AMD1: variants seen among roughly 807,000 people sequenced by gnomAD.
The protein encoded by AMD1 is S-adenosylmethionine decarboxylase proenzyme.
Under a neutral mutation model 40.2 loss-of-function variants are expected in AMD1, and 11 were observed. The ratio of observed to expected loss-of-function variants is 0.27; its 90% CI spans 0.17 to 0.45. The LOEUF (loss-of-function observed/expected upper bound fraction) is 0.45. Ranked by LOEUF, AMD1 falls within the 20% of genes least tolerant of loss-of-function variation. The probability of loss-of-function intolerance (pLI) is 1.00; values close to 1 mark genes in which losing one functional copy is unlikely to be tolerated. For missense variants in AMD1, 257 were observed against 410.2 expected (o/e 0.63, Z 3.23); for synonymous variants, 121 against 130.8 (o/e 0.93, Z 0.51).
chr6:110,873,537 A>T (rs985403099), upstream of AMD1, among the ~76,000 whole-genome samples: 1 of 152,362 alleles, frequency 6.6e-6, no homozygotes, highest in East Asian at 1.9e-4. Context: ...TCATGTTGAC[A>T]TCATCTTATT....
chr6:110,866,529 T>C, the AMD1 span, among the ~76,000 whole-genome samples: 2 of 152,090 alleles, frequency 1.3e-5, no homozygotes, highest in Non-Finnish European at 2.9e-5. Context: ...GTTGTGGAAG[T>C]AGGGAAAATA....
the AMD1 span, among the ~76,000 whole-genome samples, chr6:110,835,745 A>G: frequency 6.6e-6 from 1 of 151,946 alleles, no homozygotes; most frequent in African/African-American, 2.4e-5. Flanking sequence ...GGCACCTGTA[A>G]TCCCAGCTAC....
chr6:110,832,052 G>A, the AMD1 span, among the ~76,000 whole-genome samples: 64 of 136,676 alleles, frequency 4.7e-4, 1 homozygote, highest in South Asian at 9.0e-3. Flanking sequence ...TCTCTCTGTC[G>A]CCCAGGCTGG....
At chr6:110,814,976 G>C in the AMD1 span, 559 of 1,597,700 alleles carry the variant, frequency 3.5e-4, 3 homozygotes, top group Admixed American at 1.9e-4. Context: ...GCGAGGACCC[G>C]AGCGAGCCTA....
chr6:110,844,214 C>A, the AMD1 span, among the ~76,000 whole-genome samples: 1 of 148,822 alleles, frequency 6.7e-6, no homozygotes, highest in East Asian at 2.1e-4. Flanking sequence ...ATAGCAAGAT[C>A]CTGTCCCTAC....
chr6:110,849,847 C>G, the AMD1 span, among the ~76,000 whole-genome samples: 1 of 152,010 alleles, frequency 6.6e-6, no homozygotes, highest in Non-Finnish European at 1.5e-5. Context: ...TGGCAAGACC[C>G]TATCTCTACA....
chr6:110,828,777 T>C, the AMD1 span, among the ~76,000 whole-genome samples: 1 of 152,204 alleles, frequency 6.6e-6, no homozygotes. Flanking sequence ...TACCAAGCTG[T>C]TTGCTCATGG....
At chr6:110,858,342 G>A in the AMD1 span, 4 of 814,094 alleles carry the variant, frequency 4.9e-6, no homozygotes, top group South Asian at 1.4e-5. Context: ...GTAGAGCTCC[G>A]CAGCTGGATC....
chr6:110,893,552 T>C lies in AMD1; in HGVS notation c.941T>C (p.Met314Thr). The C allele has an allele frequency of 6.2e-7, 1 of 1,614,090 alleles. No homozygotes were observed. The highest frequency in any genetic ancestry group is 1.3e-5 in the African/African-American group (1 of 75,054). The change falls in exon 9 of 9, where the codon ATG (methionine) becomes ACG (threonine). Residue 314 changes from methionine to threonine, a missense_variant. Coordinates refer to ENST00000368885, the MANE Select transcript of AMD1 (RefSeq NM_001634.6). ...GFKRLDCQSA[M>T]FNDYNFVFTS... ...AAGCGTCTTGATTGCCAGAGTGCTATGTTCAATGATTACAATTTTGTTTTT... is the reference window on the plus strand; with the variant it reads ...AAGCGTCTTGATTGCCAGAGTGCTACGTTCAATGATTACAATTTTGTTTTT...
At chr6:110,865,550 T>C in the AMD1 span, among the ~76,000 whole-genome samples, 1 of 151,984 alleles carries the variant, frequency 6.6e-6, no homozygotes, top group Non-Finnish European at 1.5e-5. Context: ...TGTGCCACCA[T>C]GCCTGGCTAA....
chr6:110,894,198 T>G lies in AMD1; in HGVS notation c.*582T>G, dbSNP rs1430264184. On this transcript the variant is annotated 3_prime_UTR_variant, in exon 9 of 9. Transcript: ENST00000368885. Reference sequence around the variant, plus strand: ...GAGTCCTTAAGAAAATGATTCCAGTTACTCATTTTGCATATTTGCTATTTT... The same window carrying G: ...GAGTCCTTAAGAAAATGATTCCAGTGACTCATTTTGCATATTTGCTATTTT... 2 of 153,036 alleles carry G rather than the reference T, an allele frequency of 1.3e-5. No individual in the cohort carries two copies. The highest frequency in any genetic ancestry group is 2.9e-5 in the Non-Finnish European group (2 of 68,292). The allele number at this position is 153,036 out of a possible 1,614,324, so 9.5% of individuals were successfully genotyped here.
chr6:110,822,754 C>T, the AMD1 span, among the ~76,000 whole-genome samples: 2 of 152,046 alleles, frequency 1.3e-5, no homozygotes, highest in Non-Finnish European at 2.9e-5. Flanking sequence ...GGTTTCAGCC[C>T]AGGGATGCAG....
At position 110,883,758 on chromosome 6, in the gene AMD1, AT is replaced by A. The variant is rs1309977819; in HGVS notation, c.111-3733del. ...AGGTGCCCGCCACCATGCCCAGCTA[AT>A]TTTTTTTTTTTTTATTTTTAGTAGA... On this transcript the variant is annotated intron_variant, in intron 1 of 8. Transcript: ENST00000368885. Among the ~76,000 whole-genome samples the A allele has an allele frequency of 7.5e-3, 1,096 of 145,954 alleles. 7 individuals are homozygous for A. Among genetic ancestry groups the A allele is most frequent in the Middle Eastern group, 0.021 (6 of 284 alleles).
the AMD1 span, among the ~76,000 whole-genome samples, chr6:110,863,495 G>C: frequency 6.6e-6 from 1 of 150,594 alleles, no homozygotes; most frequent in African/African-American, 2.4e-5. Flanking sequence ...TCAGCCTCCT[G>C]AGTATCTGGG....
the AMD1 span, among the ~76,000 whole-genome samples, chr6:110,869,505 C>CTTTTTTTTTTTTTT: frequency 7.0e-6 from 1 of 143,884 alleles, no homozygotes; most frequent in Non-Finnish European, 1.5e-5. Flanking sequence ...TTTACAGTTT[C>CTTTTTTTTTTTTTT]TTTTTTTTTT....
At chr6:110,853,929 G>A in the AMD1 span, among the ~76,000 whole-genome samples, 118 of 152,208 alleles carry the variant, frequency 7.8e-4, no homozygotes, top group African/African-American at 2.7e-3. Context: ...TCCATCGCAC[G>A]ACTAAACCCT....
the AMD1 span, chr6:110,815,133 C>A: frequency 3.1e-6 from 5 of 1,596,324 alleles, no homozygotes; most frequent in Non-Finnish European, 4.3e-6. Context: ...AAATCATAAT[C>A]CATTGTCTGC....
chr6:110,891,977 C>T, intron 4 of AMD1, 184 bp from the exon 5 acceptor site: 1 of 686,278 alleles, frequency 1.5e-6, no homozygotes, highest in Non-Finnish European at 2.5e-6. Flanking sequence ...ACCTCAAGCC[C>T]ACCTCTGCCT....
intron 1 of AMD1, among the ~76,000 whole-genome samples, chr6:110,880,380 A>G (rs780315098): frequency 1.1e-4 from 16 of 152,170 alleles, no homozygotes; most frequent in Non-Finnish European, 1.6e-4. Flanking sequence ...TAGGTTTTCA[A>G]GTTCCATTTG....
Sources: allele counts gnomAD v4.1 joint callset (sites outside exome capture counted in the v4.1 genomes callset), GRCh38; gene constraint gnomAD v4.1.1; transcripts MANE v1.5; gene names NCBI Gene and HGNC (gene_info 2026-07-23, HGNC 2026-07-21).